The following SLC39A11 variants were observed in gnomAD, a reference collection of about 807,000 sequenced individuals.
SLC39A11 encodes zinc transporter ZIP11.
A neutral mutation model predicts 36.1 loss-of-function variants in SLC39A11; 33 were observed. The ratio of observed to expected loss-of-function variants is 0.91; its 90% confidence interval spans 0.69 to 1.22. The LOEUF (loss-of-function observed/expected upper bound fraction) is 1.22. Among genes scored for constraint, SLC39A11 ranks in the 50% most tolerant of loss-of-function variants. The pLI is 0.00. For synonymous variants in SLC39A11, 166 were observed against 170.3 expected (o/e 0.97, Z 0.20); for missense variants, 432 against 430.3 (o/e 1.00, Z -0.03).
intron 7 of SLC39A11, among the ~76,000 whole-genome samples, chr17:72,658,144 T>C (rs1314365533): frequency 6.6e-6 from 1 of 152,216 alleles, no homozygotes; most frequent in African/African-American, 2.4e-5. Context: ...GCGCTGGGCC[T>C]GAGCACAAAT....
At chr17:72,924,019 T>A (rs1262610612) in intron 5 of SLC39A11, among the ~76,000 whole-genome samples, 1 of 151,568 alleles carries the variant, frequency 6.6e-6, no homozygotes, top group South Asian at 2.1e-4. Flanking sequence ...CAGTGGCGTG[T>A]GCCTGTAATC....
At position 72,941,862 on chromosome 17, in the gene SLC39A11, CTATT is replaced by C. The variant is rs141344356; in HGVS notation, c.430+5886_430+5889del. On this transcript the variant is annotated intron_variant, in intron 5 of 9. Coordinates refer to ENST00000255559, the MANE Select transcript of SLC39A11 (RefSeq NM_139177.4). ...CATTTTAACGCTGGTTTGCTTCATT[CTATT>C]TATTTATTTATTTATTTATTTATTT... 9.1e-3 allele frequency among the ~76,000 whole-genome samples: 1,324 copies of C among 144,746 alleles called. 15 individuals carry two copies. Among genetic ancestry groups the C allele is most frequent in the African/African-American group, 0.025 (992 of 39,840 alleles). 95.0% of individuals were successfully genotyped at this position (144,746 alleles called of 152,430 possible). A position where few individuals can be genotyped will look rare whatever the true frequency, so the allele number is the denominator to read the frequency against.
At chr17:72,709,743 T>A (rs1402781010) in intron 7 of SLC39A11, among the ~76,000 whole-genome samples, 1 of 152,218 alleles carries the variant, frequency 6.6e-6, no homozygotes, top group Non-Finnish European at 1.5e-5. Flanking sequence ...TCAGTGAATG[T>A]CCCTTTTCAC....
intron 3 of SLC39A11, among the ~76,000 whole-genome samples, chr17:73,044,940 CA>C (rs1394764074): frequency 6.7e-6 from 1 of 150,330 alleles, no homozygotes; most frequent in African/African-American, 2.4e-5. Flanking sequence ...TATACAGATA[CA>C]CACCACTGAC....
At chr17:73,004,217 AAG>A (rs1491440922) in intron 4 of SLC39A11, among the ~76,000 whole-genome samples, 2 of 118,222 alleles carry the variant, frequency 1.7e-5, no homozygotes, top group Non-Finnish European at 1.9e-5. Context: ...GAAAGAAAGA[AAG>A]AAAGAAAGAA....
At chr17:72,959,432 A>AT (rs2086472987) in intron 4 of SLC39A11, among the ~76,000 whole-genome samples, 1 of 149,462 alleles carries the variant, frequency 6.7e-6, no homozygotes, top group African/African-American at 2.5e-5. Context: ...CCTGGATGAG[A>AT]TTGGTGACTA....
At chr17:72,905,597 TAA>T (rs570222840) in intron 5 of SLC39A11, among the ~76,000 whole-genome samples, 3 of 143,262 alleles carry the variant, frequency 2.1e-5, no homozygotes, top group Non-Finnish European at 1.5e-5. Context: ...ACTCTGTCTC[TAA>T]AAAAAAAAAG....
chr17:72,675,003 T>TGA (rs748289332), intron 7 of SLC39A11, among the ~76,000 whole-genome samples: 2 of 151,612 alleles, frequency 1.3e-5, no homozygotes, highest in Non-Finnish European at 2.9e-5. Context: ...TGTGTGTGTG[T>TGA]GAGACACAGA....
chr17:72,718,074 C>CA (rs1329065579), intron 7 of SLC39A11, among the ~76,000 whole-genome samples: 3 of 152,218 alleles, frequency 2.0e-5, no homozygotes, highest in East Asian at 1.9e-4. Context: ...ACACCGAATA[C>CA]AAAATCTCTA....
chr17:73,026,262 A>G (rs1235078405), intron 4 of SLC39A11, among the ~76,000 whole-genome samples: 2 of 140,102 alleles, frequency 1.4e-5, no homozygotes, highest in African/African-American at 2.6e-5. Flanking sequence ...GGTGGCTCAC[A>G]CTTGTAACAC....
intron 7 of SLC39A11, among the ~76,000 whole-genome samples, chr17:72,717,005 ACACAC>A (rs1412974904): frequency 6.9e-6 from 1 of 145,144 alleles, no homozygotes; most frequent in African/African-American, 2.6e-5. Context: ...ACACACACAC[ACACAC>A]ACACACACAC....
chr17:72,819,518 C>T (rs2077695669), intron 6 of SLC39A11, among the ~76,000 whole-genome samples: 1 of 151,370 alleles, frequency 6.6e-6, no homozygotes. Flanking sequence ...CACCTCTCTG[C>T]TCAGCAGGGA....
chr17:72,729,449 A>ATTTTT (rs2074117088), intron 7 of SLC39A11, among the ~76,000 whole-genome samples: 3 of 5,162 alleles, frequency 5.8e-4, no homozygotes, highest in African/African-American at 1.2e-3. Context: ...ATATATATAT[A>ATTTTT]TATATATATT....
chr17:73,088,159 T>C (rs1020216198), intron 2 of SLC39A11, among the ~76,000 whole-genome samples: 2 of 151,800 alleles, frequency 1.3e-5, no homozygotes, highest in African/African-American at 4.8e-5. Context: ...CCAGGCGTGG[T>C]GGCACATGCC....
Position 72,882,380 on chromosome 17 carries a change from A to T in SLC39A11, c.431-32576T>A, listed in dbSNP as rs200061084. On this transcript the variant is annotated intron_variant, in intron 5 of 9. Coordinates refer to ENST00000255559, the MANE Select transcript of SLC39A11 (RefSeq NM_139177.4). ...ATATCTAAAAAAAAAAAAAAAAAAA[A>T]TGCTCTTTCAACTTTCTTTAGGAGA... is the stretch of plus-strand genomic sequence containing the variant. Among the ~76,000 whole-genome samples, 96 of 136,314 alleles carry T rather than the reference A, an allele frequency of 7.0e-4. No homozygotes were observed. The East Asian group carries it at 0.019, about 27-fold the overall frequency. 89.4% of individuals were successfully genotyped at this position (136,314 alleles called of 152,430 possible). A position where few individuals can be genotyped will look rare whatever the true frequency, so the allele number is the denominator to read the frequency against.
At chr17:72,844,406 C>T (rs1291295224) in intron 6 of SLC39A11, among the ~76,000 whole-genome samples, 5 of 152,172 alleles carry the variant, frequency 3.3e-5, no homozygotes, top group South Asian at 2.1e-4. Flanking sequence ...CAGTGGCTCA[C>T]GCCTGTAATC....
intron 7 of SLC39A11, among the ~76,000 whole-genome samples, chr17:72,699,955 G>A (rs9894801): frequency 0.017 from 2,601 of 151,710 alleles, 40 homozygotes; most frequent in African/African-American, 0.047. Context: ...ATCAGTCCAC[G>A]AAAAACCTCA....
chr17:73,013,772 G>C (rs1193108753), intron 4 of SLC39A11, among the ~76,000 whole-genome samples: 1 of 152,040 alleles, frequency 6.6e-6, no homozygotes, highest in Non-Finnish European at 1.5e-5. Flanking sequence ...CAAAAGATTG[G>C]ACACACTTGC....
chr17:72,797,976 A>G (rs990556766), intron 6 of SLC39A11, among the ~76,000 whole-genome samples: 3 of 152,108 alleles, frequency 2.0e-5, no homozygotes, highest in Admixed American at 6.5e-5. Flanking sequence ...TCATGCACTC[A>G]TGGGAGTGAC....
Sources: allele counts gnomAD v4.1 joint callset (sites outside exome capture counted in the v4.1 genomes callset), GRCh38; gene constraint gnomAD v4.1.1; transcripts MANE v1.5; gene names NCBI Gene and HGNC (gene_info 2026-07-23, HGNC 2026-07-21).